KIAA1217: variants seen among roughly 807,000 people sequenced by gnomAD.
KIAA1217 encodes the protein sickle tail protein homolog.
A neutral mutation model predicts 163.9 loss-of-function variants in KIAA1217; 88 were observed. The ratio of observed to expected loss-of-function variants is 0.54; its 90% CI spans 0.45 to 0.64. The LOEUF (loss-of-function observed/expected upper bound fraction) is 0.64, where lower values mean the gene tolerates loss of function less well. KIAA1217 is among the 30% of genes least tolerant of loss of function. KIAA1217 has a pLI of 0.00. For synonymous variants in KIAA1217, 903 were observed against 923.1 expected (o/e 0.98, Z 0.39); for missense variants, 2,372 against 2,475.0 (o/e 0.96, Z 0.88).
intron 2 of KIAA1217, among the ~76,000 whole-genome samples, chr10:24,073,158 A>G (rs190866877): frequency 3.3e-5 from 5 of 152,248 alleles, no homozygotes; most frequent in African/African-American, 1.2e-4. Flanking sequence ...CAATTTATAT[A>G]CTCAGCTCAG....
chr10:24,208,135 T>C (rs924440549), upstream of KIAA1217, among the ~76,000 whole-genome samples: 1 of 152,000 alleles, frequency 6.6e-6, no homozygotes, highest in African/African-American at 2.4e-5. Context: ...TTTTTTTTTT[T>C]TTCGGACATC....
intron 2 of KIAA1217, among the ~76,000 whole-genome samples, chr10:24,044,269 C>T (rs544219601): frequency 3.3e-5 from 5 of 152,252 alleles, no homozygotes; most frequent in East Asian, 3.9e-4. Flanking sequence ...TAGGCTTTCA[C>T]GGAACGTGGT....
chr10:24,436,574 C>G (rs1009229361), intron 4 of KIAA1217, among the ~76,000 whole-genome samples: 1 of 151,120 alleles, frequency 6.6e-6, no homozygotes, highest in Admixed American at 6.6e-5. Flanking sequence ...CTGGTTAACA[C>G]AGTGAAAACC....
intron 11 of KIAA1217, among the ~76,000 whole-genome samples, chr10:24,521,149 C>A (rs1276105704): frequency 6.8e-6 from 1 of 146,858 alleles, no homozygotes; most frequent in African/African-American, 2.6e-5. Flanking sequence ...GCCTAGCCAA[C>A]AGAGTAAAAC....
chr10:24,536,808 C>CA lies in KIAA1217; in HGVS notation c.3452dup (p.Asn1151LysfsTer5). 1 of 1,613,804 alleles carries CA rather than the reference C, an allele frequency of 6.2e-7. No homozygotes were observed. Among genetic ancestry groups the CA allele is most frequent in the Non-Finnish European group, 8.5e-7 (1 of 1,179,822 alleles). On this transcript the variant is annotated frameshift_variant, in exon 17 of 21. Transcript: ENST00000376454. LOFTEE classifies it high-confidence loss of function. ...AAGTGTTCCTTTATGGATGTAAATT[C>CA]AAACAGTCATGCTGAGCCATCCCGG... is the stretch of plus-strand genomic sequence containing the variant.
At chr10:24,517,791 T>A (rs904691725) in intron 10 of KIAA1217, among the ~76,000 whole-genome samples, 7 of 152,146 alleles carry the variant, frequency 4.6e-5, no homozygotes, top group Non-Finnish European at 1.0e-4. Flanking sequence ...GGTCAGGAGT[T>A]AGAGACCAGT....
intron 1 of KIAA1217, among the ~76,000 whole-genome samples, chr10:23,900,168 G>A (rs2131241455): frequency 6.6e-6 from 1 of 151,878 alleles, no homozygotes; most frequent in Non-Finnish European, 1.5e-5. Flanking sequence ...ACCACTCCTG[G>A]TTAATTTTTG....
intron 2 of KIAA1217, among the ~76,000 whole-genome samples, chr10:24,331,639 G>C (rs772943181): frequency 8.5e-5 from 13 of 152,222 alleles, no homozygotes; most frequent in Non-Finnish European, 1.8e-4. Flanking sequence ...CATGGCAGAG[G>C]GCCAAGGAGG....
intron 2 of KIAA1217, among the ~76,000 whole-genome samples, chr10:24,311,636 C>T (rs890713905): frequency 1.3e-5 from 2 of 152,164 alleles, no homozygotes; most frequent in African/African-American, 4.8e-5. Context: ...CACATTCCAA[C>T]CCTGAGGACT....
At chr10:24,154,408 C>A (rs1050648060) in intron 2 of KIAA1217, among the ~76,000 whole-genome samples, 8 of 151,884 alleles carry the variant, frequency 5.3e-5, no homozygotes, top group Non-Finnish European at 1.0e-4. Context: ...GCCTGGCTGA[C>A]AGAATGAGAC....
intron 1 of KIAA1217, among the ~76,000 whole-genome samples, chr10:24,004,758 A>C (rs1846915173): frequency 6.6e-6 from 1 of 152,236 alleles, no homozygotes; most frequent in African/African-American, 2.4e-5. Context: ...CACATGCAGA[A>C]AGGGAAAAGA....
intron 2 of KIAA1217, among the ~76,000 whole-genome samples, chr10:24,106,971 A>T (rs1411831245): frequency 6.6e-6 from 1 of 152,080 alleles, no homozygotes; most frequent in Non-Finnish European, 1.5e-5. Context: ...TGTACAGATT[A>T]TTTTGTCATC....
Position 24,107,038 on chromosome 10 carries a change from C to A in KIAA1217, c.-171+99664C>A, listed in dbSNP as rs2062658570. ...TTTTCAATCCTCACCCTCCTCCCAG[C>A]CTCCACCCTCAAGTAAATCCCAATG... On this transcript the variant is annotated intron_variant, in intron 2 of 18. Coordinates refer to the KIAA1217 transcript ENST00000376462. Among the ~76,000 whole-genome samples, 4 of 152,284 alleles carry A rather than the reference C, an allele frequency of 2.6e-5. No individual in the cohort carries two copies. In the South Asian group the frequency reaches 8.3e-4, roughly 32 times the overall value.
intron 2 of KIAA1217, chr10:24,158,009 G>T: frequency 1.3e-6 from 1 of 765,212 alleles, no homozygotes; most frequent in Non-Finnish European, 2.4e-6. Context: ...TTCAGTAGGA[G>T]TAGTGGAAAT....
rs566169735 is a variant in KIAA1217, at chr10:24,043,294, T to C, written c.-171+35920T>C. On this transcript the variant is annotated intron_variant, in intron 2 of 18. Transcript: ENST00000376462. Reference sequence around the variant, plus strand: ...TGTAATATTTGGCCCTGTGATTTTATAGTAAGATAAAAAATTGTTTTAATA... The same window carrying C: ...TGTAATATTTGGCCCTGTGATTTTACAGTAAGATAAAAAATTGTTTTAATA... 9.8e-5 allele frequency among the ~76,000 whole-genome samples: 15 copies of C among 152,348 alleles called. No homozygotes were observed. The East Asian group carries it at 2.9e-3, about 29-fold the overall frequency.
intron 1 of KIAA1217, among the ~76,000 whole-genome samples, chr10:23,839,352 T>C (rs1838657612): frequency 6.6e-6 from 1 of 152,234 alleles, no homozygotes; most frequent in South Asian, 2.1e-4. Context: ...ATGACATTTC[T>C]CTTTTTTGGG....
chr10:23,708,787 G>A (rs754828198), intron 1 of KIAA1217, among the ~76,000 whole-genome samples: 9 of 152,276 alleles, frequency 5.9e-5, no homozygotes, highest in Non-Finnish European at 1.0e-4. Context: ...AACATATATG[G>A]ATGAAGAAGA....
intron 1 of KIAA1217, among the ~76,000 whole-genome samples, chr10:23,939,341 A>G (rs566283111): frequency 3.7e-3 from 566 of 152,262 alleles, no homozygotes; most frequent in Middle Eastern, 0.017. Flanking sequence ...ACGGGGAGGC[A>G]TGCATGTGTG....
intron 2 of KIAA1217, among the ~76,000 whole-genome samples, chr10:24,125,787 C>T (rs2063453564): frequency 6.6e-6 from 1 of 152,128 alleles, no homozygotes; most frequent in Non-Finnish European, 1.5e-5. Context: ...AACAAATACC[C>T]TCCATAGTCA....
Sources: gnomAD v4.1 joint callset for allele counts (sites outside exome capture counted in the v4.1 genomes callset) on GRCh38, gnomAD v4.1.1 for gene constraint, MANE v1.5 for transcripts, NCBI Gene and HGNC (gene_info 2026-07-23, HGNC 2026-07-21) for gene names.